MTSS1: variants seen among roughly 807,000 people sequenced by gnomAD.
MTSS1 encodes the protein protein MTSS 1.
MTSS1 carries 18 observed loss-of-function variants against 79.0 expected under a neutral mutation model. The ratio of observed to expected loss-of-function variants is 0.23; its 90% confidence interval spans 0.16 to 0.34. The LOEUF is 0.34. MTSS1 is among the 10% of genes least tolerant of loss of function. The pLI, the probability that MTSS1 is intolerant of heterozygous loss-of-function variation, is 1.00. For synonymous variants in MTSS1, 341 were observed against 368.6 expected (o/e 0.93, Z 0.86); for missense variants, 815 against 986.2 (o/e 0.83, Z 2.33).
intron 3 of MTSS1, among the ~76,000 whole-genome samples, chr8:124,646,876 G>A (rs1819089755): frequency 1.3e-5 from 2 of 151,822 alleles, no homozygotes; most frequent in Admixed American, 1.3e-4. Context: ...GGAGTACACT[G>A]GCTCTACCAT....
rs754398483 is a variant in MTSS1, at chr8:124,552,972, C to G, written c.*20G>C. On this transcript the variant is annotated 3_prime_UTR_variant, in exon 14 of 14. Coordinates refer to ENST00000518547, the MANE Select transcript of MTSS1 (RefSeq NM_014751.6). Reference sequence around the variant, plus strand: ...TATTAATGAAACAGTTCATTCCCCACCGGCGCATTTCTTGTGAACCTAAGA... The same window carrying G: ...TATTAATGAAACAGTTCATTCCCCAGCGGCGCATTTCTTGTGAACCTAAGA... 2 of 1,603,836 alleles carry G rather than the reference C, an allele frequency of 1.2e-6. No homozygotes were observed. Among genetic ancestry groups the G allele is most frequent in the Admixed American group, 3.4e-5 (2 of 59,546 alleles).
intron 3 of MTSS1, among the ~76,000 whole-genome samples, chr8:124,617,367 G>C (rs1306222347): frequency 6.6e-6 from 1 of 152,086 alleles, no homozygotes; most frequent in African/African-American, 2.4e-5. Context: ...GAGCAGACGT[G>C]GTGGCCCAAA....
intron 5 of MTSS1, among the ~76,000 whole-genome samples, chr8:124,587,749 C>T (rs1831126499): frequency 6.6e-6 from 1 of 152,174 alleles, no homozygotes; most frequent in African/African-American, 2.4e-5. Flanking sequence ...AAGTGATCCA[C>T]CCGCCTCGGC....
chr8:124,693,628 C>A (rs887482288), intron 3 of MTSS1, among the ~76,000 whole-genome samples: 2 of 152,238 alleles, frequency 1.3e-5, no homozygotes, highest in Non-Finnish European at 2.9e-5. Context: ...GCCTTCGATG[C>A]CTGTCCTAGA....
intron 1 of MTSS1, among the ~76,000 whole-genome samples, chr8:124,721,721 C>T (rs1052466145): frequency 6.6e-6 from 1 of 151,842 alleles, no homozygotes; most frequent in African/African-American, 2.4e-5. Flanking sequence ...GGAAGACTTA[C>T]ACAGCTCAGT....
At chr8:124,626,762 G>A (rs1587398581) in intron 3 of MTSS1, among the ~76,000 whole-genome samples, 1 of 152,092 alleles carries the variant, frequency 6.6e-6, no homozygotes, top group East Asian at 1.9e-4. Flanking sequence ...AGTTCTGTCT[G>A]GGACTCTGGG....
chr8:124,710,147 C>A (rs908729904), intron 1 of MTSS1, among the ~76,000 whole-genome samples: 1 of 152,202 alleles, frequency 6.6e-6, no homozygotes, highest in African/African-American at 2.4e-5. Flanking sequence ...CTCCTCCAGG[C>A]AGGACATGGG....
At chr8:124,559,622 A>G (rs1337563511) in intron 10 of MTSS1, among the ~76,000 whole-genome samples, 1 of 152,208 alleles carries the variant, frequency 6.6e-6, no homozygotes, top group Non-Finnish European at 1.5e-5. Flanking sequence ...ATGCGCTCCC[A>G]GTCTGGCTTC....
At chr8:124,672,011 A>C (rs1438726305) in intron 3 of MTSS1, among the ~76,000 whole-genome samples, 1 of 152,262 alleles carries the variant, frequency 6.6e-6, no homozygotes, top group African/African-American at 2.4e-5. Context: ...ATACTCTGTG[A>C]AAGTTTTAAG....
intron 3 of MTSS1, among the ~76,000 whole-genome samples, chr8:124,668,580 C>T (rs1823554928): frequency 6.6e-6 from 1 of 152,172 alleles, no homozygotes; most frequent in Non-Finnish European, 1.5e-5. Context: ...CAACTTAGCA[C>T]CTACCCGTGA....
At chr8:124,568,859 G>A (rs1247227193) in intron 6 of MTSS1, 5 of 1,430,620 alleles carry the variant, frequency 3.5e-6, no homozygotes, top group Non-Finnish European at 4.5e-6. Flanking sequence ...CACAGAGCCA[G>A]ACAGCATTCT....
At chr8:124,573,301 G>T (rs17372186) in intron 6 of MTSS1, among the ~76,000 whole-genome samples, 1,887 of 152,230 alleles carry the variant, frequency 0.012, 16 homozygotes, top group Non-Finnish European at 0.019. Context: ...TATCCTACAG[G>T]TCTCGCTTAA....
intron 3 of MTSS1, among the ~76,000 whole-genome samples, chr8:124,655,337 T>C (rs1372598253): frequency 6.6e-6 from 1 of 152,178 alleles, no homozygotes; most frequent in African/African-American, 2.4e-5. Flanking sequence ...CAGTTAGTGG[T>C]CAAAGACAAT....
In MTSS1 at chr8:124,555,972, C is replaced by T. The variant is rs183513950; in HGVS notation, c.1405-68G>A. ...GGGGCTCAACAGCACTCCTGTTCTG[C>T]CCCCGTGAGCACTACATGTCTGTGG... On this transcript the variant is annotated intron_variant, in intron 12 of 13. Transcript: ENST00000518547. 3.8e-5 allele frequency: 60 copies of T among 1,577,812 alleles called. No homozygotes were observed. In the East Asian group the frequency reaches 9.3e-4, roughly 25 times the overall value.
intron 3 of MTSS1, among the ~76,000 whole-genome samples, chr8:124,691,820 T>C (rs561452086): frequency 8.4e-4 from 128 of 152,260 alleles, no homozygotes; most frequent in East Asian, 3.1e-3. Flanking sequence ...CCGGCTGATA[T>C]ACCTTTTTAT....
intron 3 of MTSS1, among the ~76,000 whole-genome samples, chr8:124,667,118 C>G (rs1028228171): frequency 3.3e-5 from 5 of 152,116 alleles, no homozygotes; most frequent in Non-Finnish European, 7.4e-5. Context: ...GGGTTTCCCC[C>G]CATCTTAGGA....
At chr8:124,611,421 G>A (rs530783817) in intron 3 of MTSS1, among the ~76,000 whole-genome samples, 3 of 152,156 alleles carry the variant, frequency 2.0e-5, no homozygotes, top group African/African-American at 4.8e-5. Flanking sequence ...AGGCCCAGCC[G>A]ACCTGAACAC....
At chr8:124,664,127 G>A (rs1353450142) in intron 3 of MTSS1, among the ~76,000 whole-genome samples, 1 of 152,230 alleles carries the variant, frequency 6.6e-6, no homozygotes, top group East Asian at 1.9e-4. Context: ...CCAGCAGGCA[G>A]AAGCCAGCGC....
At chr8:124,631,693 C>A (rs967702163) in intron 3 of MTSS1, among the ~76,000 whole-genome samples, 1 of 152,242 alleles carries the variant, frequency 6.6e-6, no homozygotes, top group Non-Finnish European at 1.5e-5. Context: ...CTCGGGCCTG[C>A]CAGCTTCTGT....
Sources: gnomAD v4.1 joint callset for allele counts (sites outside exome capture counted in the v4.1 genomes callset) on GRCh38, gnomAD v4.1.1 for gene constraint, MANE v1.5 for transcripts, NCBI Gene and HGNC (gene_info 2026-07-23, HGNC 2026-07-21) for gene names.